ABCA10: variants seen among roughly 807,000 people sequenced by gnomAD.
ABCA10 encodes ATP binding cassette subfamily A member 10, also known as ATP-binding cassette sub-family A member 10.
Under a neutral mutation model 187.5 loss-of-function variants are expected in ABCA10, and 169 were observed. The observed-to-expected ratio is 0.90, with a 90% confidence interval of 0.80 to 1.02. ABCA10 has a LOEUF of 1.02. Among genes scored for constraint, ABCA10 ranks in the 50% least tolerant of loss-of-function variants. The pLI is 0.00. For missense variants in ABCA10, 1,727 were observed against 1,812.4 expected (o/e 0.95, Z 0.86); for synonymous variants, 574 against 601.8 (o/e 0.95, Z 0.68).
rs1308607705 is a variant in ABCA10, at chr17:69,192,659, T to G, written c.1781-6A>C. 1.6e-5 allele frequency: 26 copies of G among 1,606,280 alleles called. No individual in the cohort carries two copies. Among genetic ancestry groups the G allele is most frequent in the Non-Finnish European group, 2.2e-5 (26 of 1,174,688 alleles). ...AGACAGAAATACTTTCCTATCTGAG[T>G]AGAAAGGAAGATTCAAAAAATTATG... On this transcript the variant is annotated splice_region_variant and splice_polypyrimidine_tract_variant and intron_variant, in intron 15 of 38. Coordinates refer to ENST00000690296, the MANE Select transcript of ABCA10 (RefSeq NM_001377321.1).
chr17:69,231,511 T>A (rs2074831924), upstream of ABCA10, among the ~76,000 whole-genome samples: 1 of 152,184 alleles, frequency 6.6e-6, no homozygotes, highest in Non-Finnish European at 1.5e-5. Flanking sequence ...TCCTTTTTAA[T>A]TGCTCCATTG....
chr17:69,160,848 T>C (rs1039909905), intron 27 of ABCA10, among the ~76,000 whole-genome samples: 5 of 152,112 alleles, frequency 3.3e-5, no homozygotes, highest in African/African-American at 9.7e-5. Flanking sequence ...GAAAACAGTA[T>C]GGAGGTTCCT....
Position 69,193,454 on chromosome 17 carries a change from C to T in ABCA10, c.1641+39G>A, listed in dbSNP as rs1016638377. ...ACTTTAATAATAGTTGTATATCCTT[C>T]AATCTAAATTAATTGTAAAAATATA... On this transcript the variant is annotated intron_variant, in intron 14 of 38. Transcript: ENST00000690296. 7 of 1,585,926 alleles carry T rather than the reference C, an allele frequency of 4.4e-6. No individual in the cohort carries two copies. In the Admixed American group the frequency reaches 1.1e-4, roughly 24 times the overall value.
intron 9 of ABCA10, among the ~76,000 whole-genome samples, chr17:69,214,472 G>C (rs1005039705): frequency 1.7e-4 from 26 of 150,094 alleles, no homozygotes; most frequent in Admixed American, 6.6e-4. Flanking sequence ...CCGAGATCCC[G>C]CCACTGCACT....
rs1296879679 is a variant in ABCA10 at position 69,225,371 on chromosome 17, T to G, written c.-13A>C. The G allele has an allele frequency of 1.9e-6, 3 of 1,613,130 alleles. No homozygotes were observed. Among genetic ancestry groups the G allele is most frequent in the Non-Finnish European group, 2.5e-6 (3 of 1,179,330 alleles). ...CCATCTTATTCATTATCCTTTGTGT[T>G]ATGTTACTGACTGGTGTATATGCCA... is the stretch of plus-strand genomic sequence containing the variant. On this transcript the variant is annotated 5_prime_UTR_variant, in exon 3 of 39. Coordinates refer to ENST00000690296, the MANE Select transcript of ABCA10 (RefSeq NM_001377321.1).
intron 30 of ABCA10, among the ~76,000 whole-genome samples, chr17:69,154,711 G>A (rs113581789): frequency 4.3e-4 from 65 of 152,192 alleles, no homozygotes; most frequent in Middle Eastern, 3.4e-3. Flanking sequence ...ACGAGCCACC[G>A]TGGCCACCTC....
In ABCA10 at chr17:69,174,785, A is replaced by G. The variant is rs915630767; in HGVS notation, c.2878-8T>C. Reference sequence around the variant, plus strand: ...CTGGGATTGAACATTTTTCTGACAAAGAATAGAAGGGATAGAGGAAGGGAT... The same window carrying G: ...CTGGGATTGAACATTTTTCTGACAAGGAATAGAAGGGATAGAGGAAGGGAT... On this transcript the variant is annotated splice_region_variant and splice_polypyrimidine_tract_variant and intron_variant, in intron 23 of 38. Transcript: ENST00000690296. 2 of 1,566,436 alleles carry G rather than the reference A, an allele frequency of 1.3e-6. No individual in the cohort carries two copies. The highest frequency in any genetic ancestry group is 2.8e-5 in the African/African-American group (2 of 72,572).
intron 1 of ABCA10, among the ~76,000 whole-genome samples, chr17:69,240,152 C>T (rs1568080903): frequency 6.6e-6 from 1 of 152,180 alleles, no homozygotes; most frequent in Non-Finnish European, 1.5e-5. Context: ...CCTTAAAATC[C>T]AGTCCCATGC....
chr17:69,237,604 T>C (rs1308325072), intron 1 of ABCA10, among the ~76,000 whole-genome samples: 1 of 152,236 alleles, frequency 6.6e-6, no homozygotes, highest in African/African-American at 2.4e-5. Flanking sequence ...ATGAAATGTT[T>C]TTATTTCCTA....
chr17:69,161,587 T>C (rs1279050626), intron 27 of ABCA10, among the ~76,000 whole-genome samples: 3 of 152,154 alleles, frequency 2.0e-5, no homozygotes, highest in Non-Finnish European at 2.9e-5. Context: ...AAAAATACCA[T>C]GAAAAATTCA....
Position 69,148,706 on chromosome 17 carries a change from T to G in ABCA10, c.*121A>C. On this transcript the variant is annotated 3_prime_UTR_variant, in exon 39 of 39. Coordinates refer to ENST00000690296, the MANE Select transcript of ABCA10 (RefSeq NM_001377321.1). Reference sequence around the variant, plus strand: ...TTTTTAAAAATGAAAACTGTAATCATTATTGAATGTTTATTAAATGTTTTC... The same window carrying G: ...TTTTTAAAAATGAAAACTGTAATCAGTATTGAATGTTTATTAAATGTTTTC... 1 of 848,582 alleles carries G rather than the reference T, an allele frequency of 1.2e-6. No homozygotes were observed. 52.6% of individuals were successfully genotyped at this position (848,582 alleles called of 1,614,324 possible).
chr17:69,155,141 A>G lies in ABCA10; in HGVS notation c.3577-5T>C. ...GCTTGCAGTTATGACTGGTTCCTGG[A>G]AAACATGACAAAGCATGATTTCCCT... is the stretch of plus-strand genomic sequence containing the variant. On this transcript the variant is annotated splice_region_variant and splice_polypyrimidine_tract_variant and intron_variant, in intron 29 of 38. Coordinates refer to ENST00000690296, the MANE Select transcript of ABCA10 (RefSeq NM_001377321.1). 1 of 1,561,414 alleles carries G rather than the reference A, an allele frequency of 6.4e-7. No homozygotes were observed. The highest frequency in any genetic ancestry group is 1.2e-5 in the South Asian group (1 of 86,948).
chr17:69,154,956 G>A (rs2074162083), intron 30 of ABCA10, 63 bp downstream of exon 30: 2 of 1,238,170 alleles, frequency 1.6e-6, no homozygotes, highest in East Asian at 2.4e-5. Flanking sequence ...TGTCCCCTTT[G>A]TAGTCTTAAA....
At chr17:69,209,824 C>A (rs1482378289) in intron 9 of ABCA10, among the ~76,000 whole-genome samples, 1 of 152,144 alleles carries the variant, frequency 6.6e-6, no homozygotes, top group Non-Finnish European at 1.5e-5. Context: ...ACCTGTACAG[C>A]ATGTTACTGT....
chr17:69,211,625 G>T (rs190315448), intron 9 of ABCA10, among the ~76,000 whole-genome samples: 3 of 150,972 alleles, frequency 2.0e-5, no homozygotes, highest in African/African-American at 7.3e-5. Context: ...CTTTGGGGGC[G>T]GGGGGGAATA....
At chr17:69,149,391 T>TA (rs1568046280) in intron 37 of ABCA10, 2 of 312,228 alleles carry the variant, frequency 6.4e-6, no homozygotes. Context: ...ATTTATTCTA[T>TA]ATTTGTAAAT....
intron 31 of ABCA10, 38 bp from the exon 32 acceptor site, chr17:69,154,047 T>C (rs1161560239): frequency 1.9e-6 from 3 of 1,595,910 alleles, no homozygotes; most frequent in Non-Finnish European, 2.6e-6. Context: ...ACCTTTGGTT[T>C]TTGCTCCAAT....
intron 18 of ABCA10, among the ~76,000 whole-genome samples, chr17:69,189,187 A>G (rs572459800): frequency 8.5e-5 from 13 of 152,204 alleles, no homozygotes; most frequent in African/African-American, 3.1e-4. Flanking sequence ...CAACCTCATC[A>G]GCATCTGTTA....
Position 69,153,826 on chromosome 17 carries a change from T to C in ABCA10, c.3965+5A>G. On this transcript the variant is annotated splice_donor_5th_base_variant and intron_variant, in intron 32 of 38. Coordinates refer to ENST00000690296, the MANE Select transcript of ABCA10 (RefSeq NM_001377321.1). ...TGCTACAAATTGTGAGACTTCTCTC[T>C]GTACCGTGAAATACTGAGAGCAGCA... is the stretch of plus-strand genomic sequence containing the variant. 4 of 1,610,614 alleles carry C rather than the reference T, an allele frequency of 2.5e-6. No individual in the cohort carries two copies. In the South Asian group the frequency reaches 3.3e-5, roughly 13 times the overall value.
Sources: allele counts gnomAD v4.1 joint callset (sites outside exome capture counted in the v4.1 genomes callset), GRCh38; gene constraint gnomAD v4.1.1; transcripts MANE v1.5; gene names NCBI Gene and HGNC (gene_info 2026-07-23, HGNC 2026-07-21).